Variants in LIPA observed in about 807,000 individuals in gnomAD.
LIPA encodes lipase A, lysosomal acid type.
Under a neutral mutation model 40.6 loss-of-function variants are expected in LIPA, and 26 were observed. The ratio of observed to expected loss-of-function variants is 0.64; its 90% CI spans 0.47 to 0.89. The LOEUF (loss-of-function observed/expected upper bound fraction) is 0.89, where lower values mean the gene tolerates loss of function less well. Ranked by LOEUF, LIPA falls within the 40% of genes least tolerant of loss-of-function variation. The probability of loss-of-function intolerance (pLI) is 0.00; values close to 1 mark genes in which losing one functional copy is unlikely to be tolerated. For synonymous variants in LIPA, 188 were observed against 168.4 expected (o/e 1.12, Z -0.90); for missense variants, 455 against 479.6 (o/e 0.95, Z 0.48).
chr10:89,296,863 T>G (rs4933503), intron 1 of LIPA, among the ~76,000 whole-genome samples: 21,152 of 152,164 alleles, frequency 0.14, 1,742 homozygotes, highest in Middle Eastern at 0.19. Context: ...GGAAAATACA[T>G]TTCTTCTATC....
chr10:89,278,607 T>C (rs1040191473), intron 1 of LIPA: 2 of 152,208 alleles, frequency 1.3e-5, no homozygotes, highest in Non-Finnish European at 2.9e-5. Flanking sequence ...CCTGGCAATG[T>C]TATCTTAGTT....
chr10:89,362,192 C>T (rs1330864263), intron 2 of LIPA: 1 of 152,126 alleles, frequency 6.6e-6, no homozygotes. Flanking sequence ...GTGTGAGCCA[C>T]TGTGCCCAAC....
chr10:89,380,282 G>A (rs2133602372), intron 2 of LIPA, among the ~76,000 whole-genome samples: 1 of 152,220 alleles, frequency 6.6e-6, no homozygotes. Context: ...AGCAGATTGA[G>A]CTCCTCCTTC....
chr10:89,378,747 A>G (rs566059678), intron 2 of LIPA, among the ~76,000 whole-genome samples: 51 of 152,332 alleles, frequency 3.3e-4, no homozygotes, highest in Middle Eastern at 6.8e-3. Context: ...GCAAGATGAG[A>G]ATATATGTAG....
At chr10:89,260,825 G>T (rs574109777) in intron 1 of LIPA, among the ~76,000 whole-genome samples, 147 of 152,252 alleles carry the variant, frequency 9.7e-4, no homozygotes, top group African/African-American at 3.4e-3. Flanking sequence ...GGTTGGAAGC[G>T]CTGATAAAAG....
At position 89,271,799 on chromosome 10, in the gene LIPA, C is replaced by A. The variant is rs921158356; in HGVS notation, c.-1-24150G>T. On this transcript the variant is annotated intron_variant, in intron 1 of 5. Coordinates refer to the LIPA transcript ENST00000282673. ...GTCATAGGCTGGGCTCAGTGGCTTA[C>A]GCTTGTAATCCCAACAGTTTGGGAG... is the stretch of plus-strand genomic sequence containing the variant. Among the ~76,000 whole-genome samples the A allele has an allele frequency of 2.6e-5, 4 of 152,066 alleles. 1 individual carries two copies. In the South Asian group the frequency reaches 8.3e-4, roughly 32 times the overall value.
intron 2 of LIPA, chr10:89,402,817 A>G: frequency 1.2e-6 from 2 of 1,614,246 alleles, no homozygotes; most frequent in Non-Finnish European, 1.7e-6. Context: ...AGCGCTGGGT[A>G]TGCGATCTCT....
chr10:89,295,787 A>G (rs1843409892), intron 1 of LIPA, among the ~76,000 whole-genome samples: 1 of 152,240 alleles, frequency 6.6e-6, no homozygotes, highest in Non-Finnish European at 1.5e-5. Context: ...ACTCTTTCTA[A>G]TAAGTTTCAT....
chr10:89,409,154 T>A (rs1841450105), intron 2 of LIPA, among the ~76,000 whole-genome samples: 1 of 152,100 alleles, frequency 6.6e-6, no homozygotes, highest in South Asian at 2.1e-4. Context: ...TATTACCCAA[T>A]CAGCCACAGA....
At chr10:89,265,958 A>T (rs1328171955) in intron 1 of LIPA, among the ~76,000 whole-genome samples, 1 of 152,226 alleles carries the variant, frequency 6.6e-6, no homozygotes, top group Non-Finnish European at 1.5e-5. Flanking sequence ...ACCTCATGTG[A>T]CAAGTTGCAA....
At chr10:89,272,814 T>C (rs1179735659) in intron 1 of LIPA, among the ~76,000 whole-genome samples, 1 of 152,256 alleles carries the variant, frequency 6.6e-6, no homozygotes, top group Non-Finnish European at 1.5e-5. Flanking sequence ...TGATATTTCA[T>C]TGTGGTTTTA....
chr10:89,324,928 G>C (rs1258639532), intron 1 of LIPA, among the ~76,000 whole-genome samples: 1 of 152,016 alleles, frequency 6.6e-6, no homozygotes, highest in Non-Finnish European at 1.5e-5. Flanking sequence ...AGTCTATTGG[G>C]TTGGTTCCAA....
At chr10:89,268,064 T>C (rs1425234480) in intron 1 of LIPA, among the ~76,000 whole-genome samples, 2 of 152,212 alleles carry the variant, frequency 1.3e-5, no homozygotes, top group African/African-American at 4.8e-5. Flanking sequence ...AACCCTCCTG[T>C]TCATGTAATG....
rs766364179 is a variant in LIPA at position 89,228,319 on chromosome 10, G to T, written c.309C>A (p.Ser103Arg). ...CAGCATCAGCAAGAATGAAGCCCAG[G>T]CTGCTGTTGGCAAGGTTTGTGACCC... The part of the protein sequence containing the change: ...SNWVTNLANS[S>R]LGFILADAGF... The change falls in exon 4 of 10, where the codon AGC becomes AGA. Residue 103 changes from serine to arginine, a missense_variant. By Grantham distance (110) the Ser-to-Arg change is moderately radical. Coordinates refer to ENST00000336233, the MANE Select transcript of LIPA (RefSeq NM_000235.4). 3 of 1,614,172 alleles carry T rather than the reference G, an allele frequency of 1.9e-6. No homozygotes were observed. Among genetic ancestry groups the T allele is most frequent in the Non-Finnish European group, 2.5e-6 (3 of 1,180,038 alleles).
chr10:89,322,038 G>T (rs1193657629), intron 1 of LIPA, among the ~76,000 whole-genome samples: 1 of 152,010 alleles, frequency 6.6e-6, no homozygotes, highest in South Asian at 2.1e-4. Context: ...CTGGACACAG[G>T]ATGGGGAGCA....
At chr10:89,338,548 A>G in intron 1 of LIPA, 1 of 998,850 alleles carries the variant, frequency 1.0e-6, no homozygotes, top group Non-Finnish European at 1.5e-6. Context: ...ATAATGTTGG[A>G]CCAAATATCT....
At chr10:89,234,648 G>A (rs965305263) in intron 3 of LIPA, among the ~76,000 whole-genome samples, 1 of 152,208 alleles carries the variant, frequency 6.6e-6, no homozygotes, top group African/African-American at 2.4e-5. Flanking sequence ...GGGGAAGAAA[G>A]GAAGGTACAA....
In LIPA at chr10:89,214,097, T is replaced by C. The variant is rs1842587625; in HGVS notation, c.*731A>G. The C allele has an allele frequency of 6.6e-6, 1 of 152,264 alleles. No individual in the cohort carries two copies. The highest frequency in any genetic ancestry group is 1.5e-5 in the Non-Finnish European group (1 of 68,052). 9.4% of individuals were successfully genotyped at this position (152,264 alleles called of 1,614,324 possible). On this transcript the variant is annotated 3_prime_UTR_variant, in exon 10 of 10. Transcript: ENST00000336233. Reference sequence around the variant, plus strand: ...TGCCATGAAATTGAGAGCTCATGAATATAGATGGTTGAGTGTATCAGTCTT... The same window carrying C: ...TGCCATGAAATTGAGAGCTCATGAACATAGATGGTTGAGTGTATCAGTCTT...
chr10:89,306,625 T>G, intron 1 of LIPA: 1 of 1,613,952 alleles, frequency 6.2e-7, no homozygotes, highest in Non-Finnish European at 8.5e-7. Context: ...ATAAGATGCG[T>G]GAAGAAGGTG....
Sources: allele counts gnomAD v4.1 joint callset (sites outside exome capture counted in the v4.1 genomes callset), GRCh38; gene constraint gnomAD v4.1.1; transcripts MANE v1.5; gene names NCBI Gene and HGNC (gene_info 2026-07-23, HGNC 2026-07-21).